N4BP2: variants seen among roughly 807,000 people sequenced by gnomAD.
N4BP2 encodes the protein NEDD4-binding protein 2.
N4BP2 carries 91 observed loss-of-function variants against 152.8 expected under a neutral mutation model. The ratio of observed to expected loss-of-function variants is 0.60; its 90% CI spans 0.50 to 0.71. The LOEUF (loss-of-function observed/expected upper bound fraction) is 0.71, where lower values mean the gene tolerates loss of function less well. N4BP2 is among the 30% of genes least tolerant of loss of function. The probability of loss-of-function intolerance (pLI) is 0.00; values close to 1 mark genes in which losing one functional copy is unlikely to be tolerated. For synonymous variants in N4BP2, 646 were observed against 705.3 expected (o/e 0.92, Z 1.33); for missense variants, 1,923 against 2,059.1 (o/e 0.93, Z 1.28).
the N4BP2 span, among the ~76,000 whole-genome samples, chr4:40,164,096 G>A: frequency 1.3e-5 from 2 of 152,280 alleles, no homozygotes; most frequent in African/African-American, 4.8e-5. Context: ...AAGGAAAGGA[G>A]ACAAAATTCA....
chr4:40,100,287 C>G (rs182010001), intron 3 of N4BP2, among the ~76,000 whole-genome samples: 146 of 152,168 alleles, frequency 9.6e-4, no homozygotes, highest in Admixed American at 1.6e-3. Context: ...CCAGACTTAT[C>G]TTTCTTAAAA....
intron 1 of N4BP2, among the ~76,000 whole-genome samples, chr4:40,062,431 C>T (rs1219421496): frequency 6.6e-6 from 1 of 152,140 alleles, no homozygotes; most frequent in Non-Finnish European, 1.5e-5. Flanking sequence ...AGCCTCCTAA[C>T]AGCTCATCCC....
intron 1 of N4BP2, among the ~76,000 whole-genome samples, chr4:40,068,416 C>G (rs1248475609): frequency 6.6e-6 from 1 of 152,116 alleles, no homozygotes; most frequent in Non-Finnish European, 1.5e-5. Flanking sequence ...AAGCTTTCTC[C>G]CCGTTTTCTT....
intron 16 of N4BP2, among the ~76,000 whole-genome samples, chr4:40,150,223 C>T (rs1721020045): frequency 1.3e-5 from 2 of 152,232 alleles, no homozygotes; most frequent in South Asian, 2.1e-4. Flanking sequence ...GAAATATACA[C>T]TGCTACGTAC....
rs1326867788 is a variant in N4BP2 at position 40,142,746 on chromosome 4, A to G, written c.4859A>G (p.Asp1620Gly). Reference sequence around the variant, plus strand: ...CAGGACTTTGAGTACCCAGACTATGATGACTACAGAGCAGAGGCTTTCCTT... The same window carrying G: ...CAGGACTTTGAGTACCCAGACTATGGTGACTACAGAGCAGAGGCTTTCCTT... ...SFQDFEYPDYDDYRAEAFLHQ... is the reference protein window; with the variant it reads ...SFQDFEYPDYGDYRAEAFLHQ... The change falls in exon 15 of 18, where the codon GAT (aspartate) becomes GGT (glycine). Residue 1620 changes from aspartate (D) to glycine (G), a missense_variant. Physicochemically the swap from Asp to Gly is moderately conservative, Grantham distance 94. Transcript: ENST00000261435. 6.2e-7 allele frequency: 1 copy of G among 1,614,064 alleles called. No homozygotes were observed. The highest frequency in any genetic ancestry group is 1.7e-5 in the Admixed American group (1 of 60,026).
the N4BP2 span, among the ~76,000 whole-genome samples, chr4:40,179,686 T>A: frequency 1.1e-4 from 16 of 152,032 alleles, no homozygotes; most frequent in Admixed American, 3.3e-4. Flanking sequence ...ATTATTGCAA[T>A]GTAATTTTGA....
the N4BP2 span, among the ~76,000 whole-genome samples, chr4:40,187,567 A>C: frequency 6.6e-5 from 10 of 152,122 alleles, no homozygotes; most frequent in African/African-American, 2.4e-4. Flanking sequence ...TGATCCTCCC[A>C]CCTTGGCCTC....
At chr4:40,058,091 A>G (rs1733367714) in intron 1 of N4BP2, among the ~76,000 whole-genome samples, 1 of 152,194 alleles carries the variant, frequency 6.6e-6, no homozygotes. Context: ...AAAATCCTGG[A>G]GATGAACCTA....
chr4:40,061,699 T>C (rs1453939526), intron 1 of N4BP2, among the ~76,000 whole-genome samples: 1 of 150,040 alleles, frequency 6.7e-6, no homozygotes, highest in Non-Finnish European at 1.5e-5. Flanking sequence ...AGTTTTGCTC[T>C]TGTTGCCCAG....
At chr4:40,095,376 C>T (rs1715017763) in intron 2 of N4BP2, among the ~76,000 whole-genome samples, 2 of 152,332 alleles carry the variant, frequency 1.3e-5, no homozygotes, top group South Asian at 4.1e-4. Context: ...CCATAACGCC[C>T]AGCCCGCTAT....
In N4BP2 at chr4:40,122,214, C is replaced by A. The variant is rs568077612; in HGVS notation, c.4103C>A (p.Ala1368Asp). 1 of 1,613,678 alleles carries A rather than the reference C, an allele frequency of 6.2e-7. No homozygotes were observed. The highest frequency in any genetic ancestry group is 1.1e-5 in the South Asian group (1 of 91,028). Reference sequence around the variant, plus strand: ...ATATTGAATCCCACTCCAGCGATGGCCAAATCTCTGACCATAGACTGTCTG... The same window carrying A: ...ATATTGAATCCCACTCCAGCGATGGACAAATCTCTGACCATAGACTGTCTG... ...TEILNPTPAM[A>D]KSLTIDCLEL... The change falls in exon 9 of 18, where the codon GCC becomes GAC. Residue 1368 changes from alanine (A) to aspartate (D), a missense_variant. Transcript: ENST00000261435.
intron 5 of N4BP2, among the ~76,000 whole-genome samples, chr4:40,109,649 C>T (rs144472877): frequency 1.6e-4 from 24 of 151,342 alleles, no homozygotes; most frequent in Non-Finnish European, 3.1e-4. Flanking sequence ...ACCTGGGAGG[C>T]GGAGGTTTCA....
At chr4:40,100,664 A>G (rs1037506122) in intron 3 of N4BP2, among the ~76,000 whole-genome samples, 1 of 152,118 alleles carries the variant, frequency 6.6e-6, no homozygotes, top group Non-Finnish European at 1.5e-5. Flanking sequence ...GAGCTGCCAC[A>G]CCTGGCCTTA....
At chr4:40,148,200 G>A (rs1720785094) in intron 16 of N4BP2, among the ~76,000 whole-genome samples, 1 of 152,250 alleles carries the variant, frequency 6.6e-6, no homozygotes, top group Non-Finnish European at 1.5e-5. Flanking sequence ...TGCAATCCCG[G>A]CACCTCGGGA....
chr4:40,184,584 C>T, the N4BP2 span, among the ~76,000 whole-genome samples: 1 of 152,154 alleles, frequency 6.6e-6, no homozygotes, highest in Non-Finnish European at 1.5e-5. Context: ...TCCAATTTTA[C>T]CATTCAGAGA....
rs1465731377 is a variant in N4BP2 at position 40,157,464 on chromosome 4, G to A, written c.*3227G>A. ...TGAATTCAAGTGTTTTGTATGCTTA[G>A]AAAGTAGACATGTATAATATTGAGA... On this transcript the variant is annotated 3_prime_UTR_variant, in exon 18 of 18. Transcript: ENST00000261435. The A allele has an allele frequency of 1.3e-5, 2 of 152,036 alleles. No individual in the cohort carries two copies. Among genetic ancestry groups the A allele is most frequent in the Non-Finnish European group, 2.9e-5 (2 of 67,982 alleles). 9.4% of individuals were successfully genotyped at this position (152,036 alleles called of 1,614,324 possible).
intron 14 of N4BP2, among the ~76,000 whole-genome samples, chr4:40,138,508 T>C (rs904687437): frequency 6.6e-6 from 1 of 152,246 alleles, no homozygotes; most frequent in Non-Finnish European, 1.5e-5. Context: ...TTTCCTCCTG[T>C]ATTTTCTGTA....
rs1368691109 is a variant in N4BP2, at chr4:40,136,161, C to T, written c.4647-783C>T. 5.3e-5 allele frequency among the ~76,000 whole-genome samples: 8 copies of T among 152,094 alleles called. No individual in the cohort carries two copies. In the South Asian group the frequency reaches 6.2e-4, roughly 12 times the overall value. On this transcript the variant is annotated intron_variant, in intron 13 of 17. Coordinates refer to ENST00000261435, the MANE Select transcript of N4BP2 (RefSeq NM_018177.6). Reference sequence around the variant, plus strand: ...CCTGCTTAGAATTTGACTAAAATCCCATGGTAAAAGTAAATGTAGAATTTG... The same window carrying T: ...CCTGCTTAGAATTTGACTAAAATCCTATGGTAAAAGTAAATGTAGAATTTG...
chr4:40,100,442 T>TTCACTAGAGGC (rs61551143), intron 3 of N4BP2, among the ~76,000 whole-genome samples: 3,057 of 151,834 alleles, frequency 0.02, 113 homozygotes, highest in African/African-American at 0.069. Flanking sequence ...AGTAATCACT[T>TTCACTAGAGGC]TCACTAGAGG....
Sources: allele counts gnomAD v4.1 joint callset (sites outside exome capture counted in the v4.1 genomes callset), GRCh38; gene constraint gnomAD v4.1.1; transcripts MANE v1.5; gene names NCBI Gene and HGNC (gene_info 2026-07-23, HGNC 2026-07-21).